Variants in MYSM1 observed in about 807,000 individuals in gnomAD.
MYSM1 encodes Myb like, SWIRM and MPN domains 1.
MYSM1 carries 51 observed loss-of-function variants against 116.0 expected under a neutral mutation model. The observed-to-expected ratio is 0.44, with a 90% CI of 0.35 to 0.56. The LOEUF (loss-of-function observed/expected upper bound fraction) is 0.56. Among genes scored for constraint, MYSM1 ranks in the 20% least tolerant of loss-of-function variants. The probability of loss-of-function intolerance (pLI) is 0.00; values close to 1 mark genes in which losing one functional copy is unlikely to be tolerated. For missense variants in MYSM1, 900 were observed against 974.9 expected, an observed-to-expected ratio of 0.92 and a Z score of 1.02; for synonymous variants, 313 against 315.2, an observed-to-expected ratio of 0.99 and a Z score of 0.07.
intron 3 of MYSM1, among the ~76,000 whole-genome samples, chr1:58,691,273 C>T (rs1450916132): frequency 6.6e-6 from 1 of 151,142 alleles, no homozygotes; most frequent in East Asian, 1.9e-4. Context: ...GAGCGAGACT[C>T]CGTCTCAAAA....
intron 2 of MYSM1, among the ~76,000 whole-genome samples, chr1:58,694,159 C>G (rs1644940238): frequency 6.6e-6 from 1 of 152,238 alleles, no homozygotes; most frequent in Non-Finnish European, 1.5e-5. Flanking sequence ...TACTCTCATT[C>G]AGCATCTTGC....
In MYSM1 at chr1:58,676,956, C is replaced by G. The variant is rs749256385; in HGVS notation, c.1360G>C (p.Glu454Gln). 2 of 1,611,874 alleles carry G rather than the reference C, an allele frequency of 1.2e-6. No individual in the cohort carries two copies. The highest frequency in any genetic ancestry group is 2.2e-5 in the East Asian group (1 of 44,650). The change falls in exon 9 of 20, where the codon GAA becomes CAA. Residue 454 changes from glutamate (E) to glutamine (Q), a missense_variant. Transcript: ENST00000472487. ...CCAAAATTGATTGCTCCTATCAATT[C>G]GAGGTATGTATGAATCCGTCCAATA... Reference protein sequence around the residue: ...NCIGRIHTYLELIGAINFGCE... With the variant: ...NCIGRIHTYLQLIGAINFGCE...
chr1:58,671,766 T>A (rs1644565197), intron 12 of MYSM1, 104 bp downstream of exon 12: 1 of 818,560 alleles, frequency 1.2e-6, no homozygotes, highest in African/African-American at 1.8e-5. Context: ...AGTATTTTTT[T>A]AAACTTAATG....
intron 1 of MYSM1, among the ~76,000 whole-genome samples, chr1:58,698,466 C>T (rs368313976): frequency 6.6e-6 from 1 of 151,898 alleles, no homozygotes; most frequent in Non-Finnish European, 1.5e-5. Context: ...TCATCAGGAA[C>T]CAATAACCTT....
intron 6 of MYSM1, among the ~76,000 whole-genome samples, chr1:58,686,221 A>T (rs541260808): frequency 2.0e-4 from 31 of 152,266 alleles, no homozygotes; most frequent in African/African-American, 7.5e-4. Context: ...GAGGGAAAAA[A>T]AAAAATGACA....
intron 6 of MYSM1, 120 bp from the exon 7 acceptor site, chr1:58,685,371 C>A (rs1644813332): frequency 1.6e-6 from 1 of 642,980 alleles, no homozygotes; most frequent in Non-Finnish European, 2.6e-6. Flanking sequence ...TTTTCTGAAG[C>A]ACACAATAAA....
chr1:58,660,082 A>G lies in MYSM1; in HGVS notation c.2402T>C (p.Ile801Thr), dbSNP rs1474222832. 5.0e-6 allele frequency: 8 copies of G among 1,611,136 alleles called. No homozygotes were observed. Among genetic ancestry groups the G allele is most frequent in the African/African-American group, 1.3e-5 (1 of 74,786 alleles). The part of the protein sequence containing the change: ...CFMAEEFLTE[I>T]ENLFLSNYKS... ...ATAATTGGAAAGGAACAAATTTTCTATTTCAGTCAAGAATTCTTCAGCCAT... is the reference window on the plus strand; with the variant it reads ...ATAATTGGAAAGGAACAAATTTTCTGTTTCAGTCAAGAATTCTTCAGCCAT... Residue 801 changes from isoleucine (I) to threonine (T), a missense_variant, in exon 20 of 20, where the codon ATA becomes ACA. Ile to Thr is a moderately conservative substitution (Grantham distance 89, BLOSUM62 -1). Coordinates refer to ENST00000472487, the MANE Select transcript of MYSM1 (RefSeq NM_001085487.3).
At chr1:58,695,290 G>T in intron 1 of MYSM1, 83 bp from the exon 2 acceptor site, 1 of 833,480 alleles carries the variant, frequency 1.2e-6, no homozygotes, top group Non-Finnish European at 1.9e-6. Flanking sequence ...AATCCAGCAG[G>T]TAGTAAGGGA....
At chr1:58,682,632 TG>T in intron 7 of MYSM1, 87 bp from the exon 8 acceptor site, 1 of 1,266,606 alleles carries the variant, frequency 7.9e-7, no homozygotes, top group Non-Finnish European at 1.1e-6. Flanking sequence ...AAATATACAG[TG>T]TTATTAAACT....
At chr1:58,687,097 G>A (rs539041744) in intron 6 of MYSM1, among the ~76,000 whole-genome samples, 1 of 152,124 alleles carries the variant, frequency 6.6e-6, no homozygotes, top group African/African-American at 2.4e-5. Flanking sequence ...TACCACCCAA[G>A]TCCCTACTCC....
At position 58,661,531 on chromosome 1, in the gene MYSM1, C is replaced by T. The variant is rs984413492; in HGVS notation, c.2165-20G>A. On this transcript the variant is annotated intron_variant, in intron 17 of 19. Coordinates refer to ENST00000472487, the MANE Select transcript of MYSM1 (RefSeq NM_001085487.3). ...GTAAGCCTAGAAAAGCATAAAGAAG[C>T]ACATTGTCATCAACTATTTCTTAAC... 5 of 1,338,084 alleles carry T rather than the reference C, an allele frequency of 3.7e-6. No individual in the cohort carries two copies. The highest frequency in any genetic ancestry group is 3.7e-5 in the Admixed American group (2 of 54,444). The allele number at this position is 1,338,084 out of a possible 1,614,324, so 82.9% of individuals were successfully genotyped here.
intron 2 of MYSM1, 63 bp downstream of exon 2, chr1:58,695,066 G>T: frequency 3.6e-6 from 3 of 825,682 alleles, no homozygotes; most frequent in South Asian, 2.1e-5. Context: ...AAAAAAAAAA[G>T]AAGAAGCACT....
intron 8 of MYSM1, among the ~76,000 whole-genome samples, chr1:58,677,566 G>A (rs1644673418): frequency 6.6e-6 from 1 of 151,904 alleles, no homozygotes; most frequent in African/African-American, 2.4e-5. Flanking sequence ...CTTACTCTCA[G>A]TGGAAAACAG....
At chr1:58,697,809 G>A (rs1382389755) in intron 1 of MYSM1, among the ~76,000 whole-genome samples, 2 of 151,090 alleles carry the variant, frequency 1.3e-5, no homozygotes, top group Non-Finnish European at 3.0e-5. Context: ...GGCTGATCTC[G>A]AACTCCCAAC....
intron 11 of MYSM1, among the ~76,000 whole-genome samples, chr1:58,673,326 C>T (rs1051331132): frequency 6.6e-6 from 1 of 152,146 alleles, no homozygotes; most frequent in Non-Finnish European, 1.5e-5. Flanking sequence ...ACACCCTTAT[C>T]TTGAGTTAGA....
chr1:58,670,392 TG>T (rs1644542679), intron 12 of MYSM1, among the ~76,000 whole-genome samples: 1 of 152,182 alleles, frequency 6.6e-6, no homozygotes, highest in African/African-American at 2.4e-5. Flanking sequence ...TTATTGAGCT[TG>T]TTTCACAATA....
At chr1:58,680,219 TAA>T (rs994464188) in intron 8 of MYSM1, among the ~76,000 whole-genome samples, 49 of 152,132 alleles carry the variant, frequency 3.2e-4, no homozygotes, top group African/African-American at 7.5e-4. Flanking sequence ...CCATGTAGAA[TAA>T]AAGAGTGATT....
chr1:58,678,492 C>T (rs1357857123), intron 8 of MYSM1, among the ~76,000 whole-genome samples: 1 of 152,106 alleles, frequency 6.6e-6, no homozygotes, highest in African/African-American at 2.4e-5. Flanking sequence ...AATAATGATT[C>T]ATGTTCGATC....
intron 8 of MYSM1, among the ~76,000 whole-genome samples, chr1:58,681,034 G>A (rs1406612731): frequency 1.3e-5 from 2 of 151,988 alleles, no homozygotes; most frequent in African/African-American, 4.8e-5. Flanking sequence ...TTCACCACGT[G>A]GGCCAGGCTG....
Sources: allele counts gnomAD v4.1 joint callset (sites outside exome capture counted in the v4.1 genomes callset), GRCh38; gene constraint gnomAD v4.1.1; transcripts MANE v1.5; gene names NCBI Gene and HGNC (gene_info 2026-07-23, HGNC 2026-07-21).